The following DYNLT2B variants were observed in gnomAD, a reference collection of about 807,000 sequenced individuals.
DYNLT2B encodes the protein dynein light chain Tctex-type protein 2B.
DYNLT2B carries 14 observed loss-of-function variants against 19.5 expected under a neutral mutation model. That is an observed-to-expected ratio of 0.72 (90% CI 0.47 to 1.12). The LOEUF is 1.12. Among genes scored for constraint, DYNLT2B ranks in the 50% most tolerant of loss-of-function variants. DYNLT2B has a pLI of 0.00. For missense variants in DYNLT2B, 133 were observed against 174.7 expected (o/e 0.76, Z 1.35); for synonymous variants, 70 against 59.7 (o/e 1.17, Z -0.79).
intron 3 of DYNLT2B, among the ~76,000 whole-genome samples, chr3:196,303,497 T>C (rs1374262143): frequency 3.9e-5 from 6 of 152,162 alleles, no homozygotes; most frequent in Non-Finnish European, 5.9e-5. Flanking sequence ...CAGTAACATG[T>C]CATGTTGACA....
chr3:196,315,387 C>T (rs558186423), intron 2 of DYNLT2B: 69 of 324,808 alleles, frequency 2.1e-4, no homozygotes, highest in Non-Finnish European at 3.7e-4. Context: ...CTCAGCCTCC[C>T]AAGCAGCTGG....
intron 3 of DYNLT2B, among the ~76,000 whole-genome samples, chr3:196,301,007 T>G (rs192350643): frequency 1.7e-4 from 26 of 148,938 alleles, no homozygotes; most frequent in Non-Finnish European, 3.3e-4. Flanking sequence ...TGCAGTGAGC[T>G]GAGATCGCAC....
intron 3 of DYNLT2B, among the ~76,000 whole-genome samples, chr3:196,306,262 A>AAAAG (rs1352539685): frequency 1.3e-5 from 2 of 148,614 alleles, no homozygotes; most frequent in African/African-American, 4.9e-5. Flanking sequence ...AAAAAAAAAA[A>AAAAG]AAAGAAAGAA....
intron 3 of DYNLT2B, among the ~76,000 whole-genome samples, chr3:196,301,036 G>A (rs1224321733): frequency 6.6e-6 from 1 of 151,994 alleles, no homozygotes; most frequent in Non-Finnish European, 1.5e-5. Context: ...TCCAGCCTGG[G>A]CAACAGAGTT....
chr3:196,314,655 A>T (rs1206265149), intron 2 of DYNLT2B, among the ~76,000 whole-genome samples: 1 of 151,132 alleles, frequency 6.6e-6, no homozygotes, highest in Non-Finnish European at 1.5e-5. Flanking sequence ...TCTACAGAAA[A>T]ATTTAAAAAT....
chr3:196,302,742 G>A (rs761617581), intron 3 of DYNLT2B, among the ~76,000 whole-genome samples: 40 of 152,066 alleles, frequency 2.6e-4, no homozygotes, highest in Non-Finnish European at 4.0e-4. Context: ...GGATGAACAC[G>A]GAGGAAATGA....
At chr3:196,294,789 G>A (rs1726181935) in intron 4 of DYNLT2B, among the ~76,000 whole-genome samples, 1 of 151,924 alleles carries the variant, frequency 6.6e-6, no homozygotes, top group Admixed American at 6.6e-5. Flanking sequence ...AGGCTGGAAT[G>A]CAGTGGTGCG....
At chr3:196,310,805 G>A (rs1358156314) in intron 2 of DYNLT2B, among the ~76,000 whole-genome samples, 4 of 149,578 alleles carry the variant, frequency 2.7e-5, no homozygotes, top group South Asian at 4.3e-4. Context: ...GGGCGATCTC[G>A]GCTCACTGCA....
At chr3:196,306,394 C>T (rs1726486721) in intron 3 of DYNLT2B, among the ~76,000 whole-genome samples, 1 of 151,000 alleles carries the variant, frequency 6.6e-6, no homozygotes, top group South Asian at 2.1e-4. Flanking sequence ...TGCCATTGCA[C>T]ACCAACCTGG....
At chr3:196,292,809 T>C (rs7631913) in intron 4 of DYNLT2B, among the ~76,000 whole-genome samples, 84,421 of 151,968 alleles carry the variant, frequency 0.56, 24,060 homozygotes, top group East Asian at 0.9. Context: ...TTTCCCTCCT[T>C]TCTCATTTCC....
At position 196,299,848 on chromosome 3, in the gene DYNLT2B, G is replaced by A. The variant is rs1364335097; in HGVS notation, c.318-3779C>T. 5.9e-5 allele frequency among the ~76,000 whole-genome samples: 9 copies of A among 152,190 alleles called. No homozygotes were observed. The East Asian group carries it at 1.7e-3, about 29-fold the overall frequency. Reference sequence around the variant, plus strand: ...CGGGAGGCTGAGGCAGGAGAATGGCGTGAACCCAGGAGGCGGAGCTTGCAG... The same window carrying A: ...CGGGAGGCTGAGGCAGGAGAATGGCATGAACCCAGGAGGCGGAGCTTGCAG... On this transcript the variant is annotated intron_variant, in intron 3 of 4. Transcript: ENST00000325318.
At chr3:196,315,599 G>A (rs968091587) in intron 2 of DYNLT2B, among the ~76,000 whole-genome samples, 1 of 151,740 alleles carries the variant, frequency 6.6e-6, no homozygotes, top group African/African-American at 2.4e-5. Context: ...TCGGCTGGGC[G>A]CGGTGGCTCA....
Position 196,315,220 on chromosome 3 carries a change from T to C in DYNLT2B, c.247+878A>G, listed in dbSNP as rs1002563065. 4 of 427,452 alleles carry C rather than the reference T, an allele frequency of 9.4e-6. No homozygotes were observed. In the East Asian group the frequency reaches 2.2e-4, roughly 23 times the overall value. 26.5% of individuals were successfully genotyped at this position (427,452 alleles called of 1,614,324 possible). A position where few individuals can be genotyped will look rare whatever the true frequency, so the allele number is the denominator to read the frequency against. On this transcript the variant is annotated intron_variant, in intron 2 of 4. Transcript: ENST00000325318. ...TCTTTAATAGAATCCACAGCTAACA[T>C]TCTATTTACGTTTTTTTAATAGAGA...
intron 2 of DYNLT2B, among the ~76,000 whole-genome samples, chr3:196,308,404 A>G (rs1029204578): frequency 1.3e-5 from 2 of 152,204 alleles, no homozygotes; most frequent in African/African-American, 4.8e-5. Context: ...CAGACAAGAA[A>G]AAAAATGAAG....
In DYNLT2B at chr3:196,291,984, C is replaced by T. The variant is rs58509996; in HGVS notation, c.382-610G>A. Among the ~76,000 whole-genome samples the T allele has an allele frequency of 7.8e-3, 1,194 of 152,314 alleles. 16 individuals carry two copies. The highest frequency in any genetic ancestry group is 0.027 in the African/African-American group (1,142 of 41,564). On this transcript the variant is annotated intron_variant, in intron 4 of 4. Coordinates refer to ENST00000325318, the MANE Select transcript of DYNLT2B (RefSeq NM_152773.5). ...TACATATTCATAAAATAATTATTCA[C>T]ATATTTCCTGATTTATCACAGAAAT... is the stretch of plus-strand genomic sequence containing the variant.
In DYNLT2B at chr3:196,318,183, C is replaced by A. The variant is rs375451728; in HGVS notation, c.-31G>T. 5 of 1,345,066 alleles carry A rather than the reference C, an allele frequency of 3.7e-6. No homozygotes were observed. The highest frequency in any genetic ancestry group is 3.0e-5 in the African/African-American group (2 of 66,190). 83.3% of individuals were successfully genotyped at this position (1,345,066 alleles called of 1,614,324 possible). On this transcript the variant is annotated 5_prime_UTR_variant, in exon 1 of 5. Coordinates refer to ENST00000325318, the MANE Select transcript of DYNLT2B (RefSeq NM_152773.5). ...GGCTTCTCGGTCCGGGCGTAGCTCG[C>A]GATGAAGGCCTAGCGGGTTGCGGTC...
intron 4 of DYNLT2B, among the ~76,000 whole-genome samples, chr3:196,293,500 C>T (rs1726141868): frequency 1.3e-5 from 2 of 151,756 alleles, no homozygotes; most frequent in Admixed American, 1.3e-4. Context: ...GTGGCATGCA[C>T]CTGTAGTCCC....
intron 2 of DYNLT2B, among the ~76,000 whole-genome samples, chr3:196,313,750 GA>G (rs944476379): frequency 6.6e-6 from 1 of 151,854 alleles, no homozygotes; most frequent in African/African-American, 2.4e-5. Context: ...AACAAATTCA[GA>G]AAAAAACAAT....
intron 3 of DYNLT2B, among the ~76,000 whole-genome samples, chr3:196,306,296 T>TG (rs1726484427): frequency 6.8e-6 from 1 of 146,122 alleles, no homozygotes; most frequent in Non-Finnish European, 1.5e-5. Flanking sequence ...GGTGTGGTGG[T>TG]GCACACCTGC....
Sources: gnomAD v4.1 joint callset for allele counts (sites outside exome capture counted in the v4.1 genomes callset) on GRCh38, gnomAD v4.1.1 for gene constraint, MANE v1.5 for transcripts, NCBI Gene and HGNC (gene_info 2026-07-23, HGNC 2026-07-21) for gene names.